The following ITGA11 variants were observed in gnomAD, a reference collection of about 807,000 sequenced individuals.
The protein encoded by ITGA11 is integrin alpha-11.
ITGA11 carries 97 observed loss-of-function variants against 141.9 expected under a neutral mutation model. The ratio of observed to expected loss-of-function variants is 0.68; its 90% CI spans 0.58 to 0.81. The LOEUF is 0.81. Among genes scored for constraint, ITGA11 ranks in the 30% least tolerant of loss-of-function variants. ITGA11 has a pLI of 0.00. For synonymous variants in ITGA11, 658 were observed against 624.6 expected, an observed-to-expected ratio of 1.05 and a Z score of -0.80; for missense variants, 1,387 against 1,559.2, an observed-to-expected ratio of 0.89 and a Z score of 1.86.
chr15:68,369,256 T>C lies in ITGA11; in HGVS notation c.193A>G (p.Asn65Asp). The C allele has an allele frequency of 1.9e-6, 3 of 1,613,844 alleles. No homozygotes were observed. Among genetic ancestry groups the C allele is most frequent in the Non-Finnish European group, 2.5e-6 (3 of 1,179,850 alleles). The change falls in exon 3 of 30, where the codon AAT becomes GAT. Residue 65 changes from asparagine to aspartate, a missense_variant. Asn to Asp is a conservative substitution (Grantham distance 23). Transcript: ENST00000315757. ...ACGTCTCCCGTCTTCTGGTAGCCAT[T>C]GGTTTCCAGTGGGGCGCCCACGACC... ...WLVVGAPLET[N>D]GYQKTGDVYK...
chr15:68,401,694 T>A (rs940170873), intron 2 of ITGA11, among the ~76,000 whole-genome samples: 9 of 152,068 alleles, frequency 5.9e-5, no homozygotes, highest in Non-Finnish European at 1.2e-4. Flanking sequence ...GGAGGGGCAC[T>A]GGCTGGGGCG....
intron 2 of ITGA11, among the ~76,000 whole-genome samples, chr15:68,383,289 A>AAT (rs979484835): frequency 6.6e-6 from 1 of 152,034 alleles, no homozygotes; most frequent in Non-Finnish European, 1.5e-5. Context: ...GAAAAAAAAA[A>AAT]AAAGAGAAAT....
chr15:68,369,329 C>G (rs1167855127), intron 2 of ITGA11, 45 bp from the exon 3 acceptor site: 1 of 1,136,294 alleles, frequency 8.8e-7, no homozygotes, highest in South Asian at 1.3e-5. Flanking sequence ...GGGAGGTACT[C>G]TTTCCTGGCA....
At chr15:68,398,264 GT>G (rs1293352734) in intron 2 of ITGA11, among the ~76,000 whole-genome samples, 3 of 151,844 alleles carry the variant, frequency 2.0e-5, no homozygotes, top group Non-Finnish European at 4.4e-5. Context: ...CCCATCTCAC[GT>G]GCAGAGACAC....
intron 2 of ITGA11, among the ~76,000 whole-genome samples, chr15:68,396,027 T>G (rs917675690): frequency 8.6e-5 from 13 of 152,030 alleles, no homozygotes; most frequent in South Asian, 2.1e-4. Flanking sequence ...AAAACATTTC[T>G]TAGCACATTT....
At chr15:68,350,187 GATTT>G (rs1378348107) in intron 9 of ITGA11, among the ~76,000 whole-genome samples, 2 of 152,108 alleles carry the variant, frequency 1.3e-5, no homozygotes, top group Admixed American at 6.5e-5. Context: ...TGGCATTTAT[GATTT>G]ATTTATTTTT....
chr15:68,431,413 G>A (rs1455667163), intron 1 of ITGA11, among the ~76,000 whole-genome samples: 4 of 152,210 alleles, frequency 2.6e-5, no homozygotes, highest in Non-Finnish European at 5.9e-5. Flanking sequence ...ACTGTGTCCC[G>A]CCGCTGCTGG....
rs1896934494 is a variant in ITGA11, at chr15:68,418,260, GA to G, written c.52+13754del. ...GGTGATCTATATACATTTGTTAAAT[GA>G]GACGGAAAAAATGAATAGAAGTATT... On this transcript the variant is annotated intron_variant, in intron 1 of 29. Coordinates refer to ENST00000315757, the MANE Select transcript of ITGA11 (RefSeq NM_001004439.2). 4.6e-5 allele frequency among the ~76,000 whole-genome samples: 7 copies of G among 152,310 alleles called. No individual in the cohort carries two copies. In the South Asian group the frequency reaches 1.5e-3, roughly 32 times the overall value.
chr15:68,333,641 C>T lies in ITGA11; in HGVS notation c.1426-1163G>A, dbSNP rs542218089. 6.6e-6 allele frequency among the ~76,000 whole-genome samples: 1 copy of T among 152,222 alleles called. No individual in the cohort carries two copies. The highest frequency in any genetic ancestry group is 2.4e-5 in the African/African-American group (1 of 41,472). ...GGTGCCAATTCACCAACTGCTCCCC[C>T]CTGCTTCGTCCCTAGGTGAGGCGCC... is the stretch of plus-strand genomic sequence containing the variant. On this transcript the variant is annotated intron_variant, in intron 12 of 29. Coordinates refer to ENST00000315757, the MANE Select transcript of ITGA11 (RefSeq NM_001004439.2). The surrounding 1 kb of genome is among the most constrained non-coding windows in gnomAD (Gnocchi z 4.2).
intron 1 of ITGA11, among the ~76,000 whole-genome samples, chr15:68,429,507 T>G (rs1464606608): frequency 1.3e-5 from 2 of 152,238 alleles, no homozygotes; most frequent in Non-Finnish European, 2.9e-5. Flanking sequence ...CCCATCACGC[T>G]GTCCAGCCTG....
chr15:68,331,224 A>T, intron 14 of ITGA11, 113 bp from the exon 15 acceptor site: 1 of 980,152 alleles, frequency 1.0e-6, no homozygotes, highest in Non-Finnish European at 1.5e-6. Flanking sequence ...GAAACCACCA[A>T]GAAGCTTCCC....
At chr15:68,309,339 C>T (rs762573702) in intron 26 of ITGA11, among the ~76,000 whole-genome samples, 1 of 152,170 alleles carries the variant, frequency 6.6e-6, no homozygotes, top group Non-Finnish European at 1.5e-5. Context: ...AAAGCTTTAG[C>T]AGAAAAATGG....
intron 1 of ITGA11, among the ~76,000 whole-genome samples, chr15:68,424,828 C>G (rs1897103335): frequency 6.6e-6 from 1 of 152,226 alleles, no homozygotes; most frequent in Non-Finnish European, 1.5e-5. Flanking sequence ...ATGCAGAGAT[C>G]CCCTAAAAAG....
At chr15:68,377,543 A>G (rs990911384) in intron 2 of ITGA11, among the ~76,000 whole-genome samples, 5 of 152,158 alleles carry the variant, frequency 3.3e-5, no homozygotes, top group Non-Finnish European at 7.3e-5. Flanking sequence ...AGGTGCTGGG[A>G]TTACAGGCGT....
rs1595865316 is a variant in ITGA11 at position 68,335,923 on chromosome 15, A to G, written c.1277-78T>C. ...TGCTTGGCCCGGTGCATGGCTTGGC[A>G]GTGCCAGAGGATGGGCCAGTGATGG... On this transcript the variant is annotated intron_variant, in intron 11 of 29. Transcript: ENST00000315757. The surrounding 1 kb of genome is among the most constrained non-coding windows in gnomAD (Gnocchi z 4.9). The G allele has an allele frequency of 2.0e-6, 3 of 1,516,822 alleles. No homozygotes were observed. The highest frequency in any genetic ancestry group is 2.5e-5 in the South Asian group (2 of 81,202). The allele number at this position is 1,516,822 out of a possible 1,614,324, so 94.0% of individuals were successfully genotyped here.
chr15:68,348,912 T>C lies in ITGA11; in HGVS notation c.1061-12A>G, dbSNP rs777712246. 11 of 1,599,740 alleles carry C rather than the reference T, an allele frequency of 6.9e-6. No homozygotes were observed. The highest frequency in any genetic ancestry group is 9.4e-6 in the Non-Finnish European group (11 of 1,172,686). The stretch of plus-strand genomic sequence containing the variant: ...GTTCTTGTTGGTGCCTGCAACAGAG[T>C]GACAGAGAGATGTCAGCTCCATGCC... On this transcript the variant is annotated splice_polypyrimidine_tract_variant and intron_variant, in intron 9 of 29. Transcript: ENST00000315757.
At chr15:68,339,876 G>C (rs1464001564) in intron 10 of ITGA11, among the ~76,000 whole-genome samples, 1 of 152,104 alleles carries the variant, frequency 6.6e-6, no homozygotes, top group African/African-American at 2.4e-5. Context: ...TTGATCCCAA[G>C]GACAGGAATT....
intron 2 of ITGA11, among the ~76,000 whole-genome samples, chr15:68,382,586 A>G (rs1895889979): frequency 6.6e-6 from 1 of 152,104 alleles, no homozygotes; most frequent in African/African-American, 2.4e-5. Flanking sequence ...GCCTATGCCA[A>G]CCCCTGAAGA....
chr15:68,311,976 C>T (rs1219466925), intron 24 of ITGA11, among the ~76,000 whole-genome samples: 1 of 152,162 alleles, frequency 6.6e-6, no homozygotes, highest in Non-Finnish European at 1.5e-5. Flanking sequence ...GGGCAGCTTA[C>T]TAGGCCTCTC....
Sources: gnomAD v4.1 joint callset for allele counts (sites outside exome capture counted in the v4.1 genomes callset) on GRCh38, gnomAD v4.1.1 for gene constraint, Gnocchi (gnomAD v3.1) non-coding constraint, MANE v1.5 for transcripts, NCBI Gene and HGNC (gene_info 2026-07-23, HGNC 2026-07-21) for gene names.